Variants in SMOC1 observed in about 807,000 individuals in gnomAD.
SMOC1 encodes SPARC-related modular calcium-binding protein 1.
SMOC1 carries 22 observed loss-of-function variants against 56.3 expected under a neutral mutation model. That is an observed-to-expected ratio of 0.39 (90% CI 0.28 to 0.56). The LOEUF (loss-of-function observed/expected upper bound fraction) is 0.56. SMOC1 is among the 20% of genes least tolerant of loss of function. SMOC1 has a pLI of 0.61. For missense variants in SMOC1, 509 were observed against 565.4 expected (o/e 0.90, Z 1.01); for synonymous variants, 193 against 215.0 (o/e 0.90, Z 0.89).
At chr14:69,928,766 TAG>T (rs1206284778) in intron 1 of SMOC1, among the ~76,000 whole-genome samples, 4 of 152,206 alleles carry the variant, frequency 2.6e-5, no homozygotes, top group African/African-American at 9.7e-5. Flanking sequence ...CCCATCTGAG[TAG>T]AGTTATTAAT....
intron 11 of SMOC1, among the ~76,000 whole-genome samples, chr14:70,026,692 A>G (rs189987952): frequency 1.7e-4 from 26 of 152,198 alleles, no homozygotes; most frequent in Admixed American, 3.9e-4. Context: ...AGGTAGGACT[A>G]TGGAAAGTCT....
At chr14:69,943,632 G>C (rs1193895719) in intron 1 of SMOC1, among the ~76,000 whole-genome samples, 4 of 152,106 alleles carry the variant, frequency 2.6e-5, no homozygotes, top group African/African-American at 9.7e-5. Context: ...TCTGGAATGT[G>C]ATTCTCTGCT....
intron 3 of SMOC1, 118 bp from the exon 4 acceptor site, chr14:69,975,597 A>G (rs1461030741): frequency 3.9e-6 from 3 of 774,404 alleles, no homozygotes; most frequent in Non-Finnish European, 6.9e-6. Flanking sequence ...AGATGTGGGG[A>G]TGAGAGGTGG....
chr14:70,018,763 G>A (rs958048538), intron 10 of SMOC1, among the ~76,000 whole-genome samples: 3 of 152,238 alleles, frequency 2.0e-5, no homozygotes, highest in South Asian at 2.1e-4. Flanking sequence ...GGCCCTTCAC[G>A]TGGTCCCCTG....
Position 69,923,941 on chromosome 14 carries a change from GTCGGGCTGCCT to G in SMOC1, c.100-28194_100-28184del, listed in dbSNP as rs146452123. ...AGTGTAACCTCCCTAGGGTCCCCTG[GTCGGGCTGCCT>G]TCACCAAGGCAGTTCTCTAGAGAGA... On this transcript the variant is annotated intron_variant, in intron 1 of 11. Coordinates refer to ENST00000361956, the MANE Select transcript of SMOC1 (RefSeq NM_001034852.3). Among the ~76,000 whole-genome samples, 298 of 152,306 alleles carry G rather than the reference GTCGGGCTGCCT, an allele frequency of 2.0e-3. 1 individual carries two copies. The highest frequency in any genetic ancestry group is 3.3e-3 in the Admixed American group (51 of 15,308).
In SMOC1 at chr14:70,005,259, G is replaced by A. The variant is rs940777332; in HGVS notation, c.665-5495G>A. On this transcript the variant is annotated intron_variant, in intron 7 of 11. Transcript: ENST00000361956. ...AACTCTGGGCTAAAATCAAGTCTGG[G>A]GATTAGCTGAGGATTTAGGTTATCC... 3.3e-5 allele frequency among the ~76,000 whole-genome samples: 5 copies of A among 152,202 alleles called. No individual in the cohort carries two copies. In the East Asian group the frequency reaches 9.6e-4, roughly 29 times the overall value.
intron 1 of SMOC1, among the ~76,000 whole-genome samples, chr14:69,915,437 C>T (rs1205459870): frequency 2.0e-5 from 3 of 152,158 alleles, no homozygotes; most frequent in African/African-American, 7.2e-5. Context: ...GCCACTGTCT[C>T]CTGTCTTCTG....
chr14:69,998,582 C>T (rs550660646), intron 7 of SMOC1, among the ~76,000 whole-genome samples: 1 of 152,250 alleles, frequency 6.6e-6, no homozygotes, highest in Non-Finnish European at 1.5e-5. Context: ...ACCTCATCTT[C>T]TCATGTTTCT....
chr14:69,895,273 C>T (rs1369775159), intron 1 of SMOC1, among the ~76,000 whole-genome samples: 1 of 152,192 alleles, frequency 6.6e-6, no homozygotes, highest in Non-Finnish European at 1.5e-5. Context: ...GGGTGAGTTT[C>T]TGGTTTCCGC....
intron 1 of SMOC1, among the ~76,000 whole-genome samples, chr14:69,917,208 A>G (rs1884709030): frequency 6.6e-6 from 1 of 152,242 alleles, no homozygotes; most frequent in Non-Finnish European, 1.5e-5. Flanking sequence ...CAATAGCAGA[A>G]TGTTCTTCAG....
chr14:69,938,955 T>C (rs926855430), intron 1 of SMOC1, among the ~76,000 whole-genome samples: 13 of 152,166 alleles, frequency 8.5e-5, no homozygotes, highest in African/African-American at 3.1e-4. Flanking sequence ...AGTGTGAGGG[T>C]GTGTGCACGC....
chr14:69,990,107 G>A (rs1036074839), intron 5 of SMOC1, among the ~76,000 whole-genome samples: 1 of 152,194 alleles, frequency 6.6e-6, no homozygotes. Context: ...TGCCTCATGG[G>A]CTTCTCTGAC....
At chr14:70,010,036 G>C (rs754419243) in intron 7 of SMOC1, among the ~76,000 whole-genome samples, 1 of 152,222 alleles carries the variant, frequency 6.6e-6, no homozygotes, top group Non-Finnish European at 1.5e-5. Flanking sequence ...CCGGGGACTG[G>C]CTCGGGGGAA....
intron 7 of SMOC1, among the ~76,000 whole-genome samples, chr14:70,003,812 A>G (rs1467272775): frequency 2.0e-5 from 3 of 152,180 alleles, no homozygotes; most frequent in Admixed American, 6.5e-5. Context: ...GAATGAGGGT[A>G]GGCAAAGATC....
At chr14:69,950,989 C>A (rs1047743670) in intron 1 of SMOC1, among the ~76,000 whole-genome samples, 2 of 152,150 alleles carry the variant, frequency 1.3e-5, no homozygotes, top group African/African-American at 4.8e-5. Flanking sequence ...TATTTATTTT[C>A]ATCTCTCTGA....
chr14:69,943,123 A>G (rs1882633478), intron 1 of SMOC1, among the ~76,000 whole-genome samples: 2 of 152,166 alleles, frequency 1.3e-5, no homozygotes, highest in Admixed American at 1.3e-4. Flanking sequence ...TCTCCTGGCT[A>G]AAACAACAGA....
chr14:69,958,042 T>C (rs891095244), intron 3 of SMOC1, among the ~76,000 whole-genome samples: 2 of 152,258 alleles, frequency 1.3e-5, no homozygotes, highest in African/African-American at 4.8e-5. Flanking sequence ...CCTGAATGCC[T>C]TTTATTGTTA....
intron 5 of SMOC1, among the ~76,000 whole-genome samples, chr14:69,989,988 C>T (rs1347849345): frequency 1.3e-5 from 2 of 152,206 alleles, no homozygotes; most frequent in African/African-American, 4.8e-5. Context: ...TGTCTTTTCT[C>T]ACTTCATAAA....
chr14:69,986,269 A>C (rs1884362613), intron 5 of SMOC1, among the ~76,000 whole-genome samples: 1 of 152,188 alleles, frequency 6.6e-6, no homozygotes, highest in African/African-American at 2.4e-5. Context: ...GAGGAGGGAA[A>C]GTGTGACAGT....
Sources: allele counts gnomAD v4.1 joint callset (sites outside exome capture counted in the v4.1 genomes callset), GRCh38; gene constraint gnomAD v4.1.1; transcripts MANE v1.5; gene names NCBI Gene and HGNC (gene_info 2026-07-23, HGNC 2026-07-21).